The following RYR2 variants were observed in gnomAD, a reference collection of about 807,000 sequenced individuals.
The protein encoded by RYR2 is ryanodine receptor 2.
Under a neutral mutation model 601.1 loss-of-function variants are expected in RYR2, and 227 were observed. The observed-to-expected ratio is 0.38, with a 90% CI of 0.34 to 0.42. The LOEUF (loss-of-function observed/expected upper bound fraction) is 0.42, where lower values mean the gene tolerates loss of function less well. Among genes scored for constraint, RYR2 ranks in the 10% least tolerant of loss-of-function variants. The pLI, the probability that RYR2 is intolerant of heterozygous loss-of-function variation, is 1.00. For missense variants in RYR2, 4,646 were observed against 6,156.5 expected, an observed-to-expected ratio of 0.75 and a Z score of 8.21; for synonymous variants, 2,223 against 2,175.1, an observed-to-expected ratio of 1.02 and a Z score of -0.61.
In RYR2 at chr1:237,623,359, G is replaced by GTTTCTTTCTTTCTTTCTTTGTTTCTTTC. The variant is rs1553528129; in HGVS notation, c.5917-387_5917-386insGTTTCTTTCTTTCTTTCTTTCTTTCTTT. Reference sequence around the variant, plus strand: ...TTTTGTGGTAGTTGTGCCTTTCTTTGTTTCTTTCTTTCTTTCTTTCTTTCT... The same window carrying GTTTCTTTCTTTCTTTCTTTGTTTCTTTC: ...TTTTGTGGTAGTTGTGCCTTTCTTTGTTTCTTTCTTTCTTTCTTTGTTTCTTTCTTTCTTTCTTTCTTTCTTTCTTTCT... On this transcript the variant is annotated intron_variant, in intron 38 of 104. Coordinates refer to ENST00000366574, the MANE Select transcript of RYR2 (RefSeq NM_001035.3). Among the ~76,000 whole-genome samples the GTTTCTTTCTTTCTTTCTTTGTTTCTTTC allele has an allele frequency of 2.2e-3, 107 of 48,916 alleles. 1 individual carries two copies. Among genetic ancestry groups the GTTTCTTTCTTTCTTTCTTTGTTTCTTTC allele is most frequent in the African/African-American group, 3.8e-3 (66 of 17,532 alleles). The allele number at this position is 48,916 out of a possible 152,430, so 32.1% of individuals were successfully genotyped here.
intron 12 of RYR2, among the ~76,000 whole-genome samples, chr1:237,424,796 C>T (rs1015368742): frequency 1.3e-5 from 2 of 152,076 alleles, no homozygotes; most frequent in South Asian, 2.1e-4. Context: ...TGTCCTGTCA[C>T]AGCATAGGAT....
intron 15 of RYR2, among the ~76,000 whole-genome samples, chr1:237,455,190 A>G (rs758145519): frequency 1.3e-5 from 2 of 152,192 alleles, no homozygotes; most frequent in Non-Finnish European, 2.9e-5. Flanking sequence ...GGACCAAATG[A>G]TATATCTCAT....
At chr1:237,046,796 C>T (rs1030919242) in intron 1 of RYR2, among the ~76,000 whole-genome samples, 2 of 152,180 alleles carry the variant, frequency 1.3e-5, no homozygotes, top group Non-Finnish European at 2.9e-5. Context: ...ATGAAGCACA[C>T]ATTTTTCCTG....
rs76567474 is a variant in RYR2 at position 237,762,660 on chromosome 1, A to G, written c.11476+1632A>G. 5.0e-3 allele frequency among the ~76,000 whole-genome samples: 768 copies of G among 152,324 alleles called. 21 individuals carry two copies. The East Asian group carries it at 0.093, about 19-fold the overall frequency. ...ATTTTCGAGTCCCAAGTCAGAAAGA[A>G]CTTTGTGAGAGTGACCATTCTGATG... On this transcript the variant is annotated intron_variant, in intron 84 of 104. Transcript: ENST00000366574.
intron 10 of RYR2, among the ~76,000 whole-genome samples, chr1:237,414,234 C>G (rs1041344660): frequency 1.3e-4 from 20 of 151,740 alleles, no homozygotes; most frequent in African/African-American, 4.6e-4. Flanking sequence ...GTCATTCAGT[C>G]TTACTTAATC....
At chr1:237,198,593 T>C (rs1330262995) in intron 1 of RYR2, among the ~76,000 whole-genome samples, 1 of 152,078 alleles carries the variant, frequency 6.6e-6, no homozygotes, top group Non-Finnish European at 1.5e-5. Flanking sequence ...TTGAAAAATG[T>C]GAAGAAATAG....
intron 1 of RYR2, among the ~76,000 whole-genome samples, chr1:237,046,319 G>A (rs948202795): frequency 6.6e-6 from 1 of 152,146 alleles, no homozygotes; most frequent in Non-Finnish European, 1.5e-5. Flanking sequence ...GGCTAATAGT[G>A]TTCTTTCCAG....
chr1:237,303,292 CTTTTTT>C (rs386370109), intron 2 of RYR2, among the ~76,000 whole-genome samples: 23 of 85,248 alleles, frequency 2.7e-4, no homozygotes, highest in East Asian at 2.0e-3. Flanking sequence ...CTGCGGTTAT[CTTTTTT>C]TTTTTTTTTT....
At chr1:237,785,321 C>A (rs899741993) in intron 90 of RYR2, among the ~76,000 whole-genome samples, 1 of 152,124 alleles carries the variant, frequency 6.6e-6, no homozygotes, top group African/African-American at 2.4e-5. Context: ...TTGAAATTTT[C>A]TCCTCTGTTC....
intron 1 of RYR2, among the ~76,000 whole-genome samples, chr1:237,070,314 A>G (rs1299893195): frequency 6.6e-6 from 1 of 152,078 alleles, no homozygotes; most frequent in Non-Finnish European, 1.5e-5. Context: ...CTACAGGTGC[A>G]TGTCCCTGGG....
intron 22 of RYR2, among the ~76,000 whole-genome samples, chr1:237,504,700 G>A (rs1030892511): frequency 1.3e-5 from 2 of 152,178 alleles, no homozygotes; most frequent in Admixed American, 1.3e-4. Context: ...AATATCTGGG[G>A]TAATGTACTG....
chr1:237,731,981 T>A lies in RYR2; in HGVS notation c.10936-65T>A, dbSNP rs865986890. On this transcript the variant is annotated intron_variant, in intron 77 of 104. Transcript: ENST00000366574. ...TATTCTTCATTGCTGTCCTTCACAG[T>A]GCTTTTGGATTTGAGTGAACATTTT... 2.6e-5 allele frequency: 26 copies of A among 986,526 alleles called. No individual in the cohort carries two copies. The Middle Eastern group carries it at 1.7e-3, about 64-fold the overall frequency. 61.1% of individuals were successfully genotyped at this position (986,526 alleles called of 1,614,324 possible).
chr1:237,078,093 C>A (rs1272320575), intron 1 of RYR2, among the ~76,000 whole-genome samples: 1 of 34,134 alleles, frequency 2.9e-5, no homozygotes, highest in African/African-American at 9.3e-5. Flanking sequence ...ACAAAGACAC[C>A]ACATACCAGA....
intron 1 of RYR2, among the ~76,000 whole-genome samples, chr1:237,200,135 T>A (rs916981984): frequency 6.6e-6 from 1 of 152,224 alleles, no homozygotes; most frequent in Admixed American, 6.5e-5. Flanking sequence ...ATACCCAATA[T>A]GTGGAGGAGC....
intron 100 of RYR2, among the ~76,000 whole-genome samples, chr1:237,813,292 C>T (rs1661445524): frequency 6.6e-6 from 1 of 152,226 alleles, no homozygotes; most frequent in Admixed American, 6.5e-5. Context: ...ATCTCAATAT[C>T]TACCAGCCTC....
At chr1:237,591,988 T>C in intron 32 of RYR2, 135 bp downstream of exon 32, 1 of 712,444 alleles carries the variant, frequency 1.4e-6, no homozygotes, top group Admixed American at 3.1e-5. Context: ...GGATATATTT[T>C]GGGGACTGAA....
rs533048400 is a variant in RYR2, at chr1:237,157,589, A to G, written c.49-112908A>G. 1.0e-3 allele frequency among the ~76,000 whole-genome samples: 154 copies of G among 152,330 alleles called. 2 individuals are homozygous for G. Among genetic ancestry groups the G allele is most frequent in the South Asian group, 3.1e-3 (15 of 4,830 alleles). On this transcript the variant is annotated intron_variant, in intron 1 of 104. Coordinates refer to ENST00000366574, the MANE Select transcript of RYR2 (RefSeq NM_001035.3). ...ATGAAATGCTTTCATTTGCAGAAAC[A>G]TGGGTGAAACTGGAGGTCATTATGT... is the stretch of plus-strand genomic sequence containing the variant.
intron 22 of RYR2, among the ~76,000 whole-genome samples, 178 bp from the exon 23 acceptor site, chr1:237,506,532 C>T (rs1454578302): frequency 4.1e-5 from 6 of 146,654 alleles, no homozygotes; most frequent in East Asian, 3.9e-4. Flanking sequence ...AGTGAGACTC[C>T]GTCTCAAGGG....
intron 12 of RYR2, among the ~76,000 whole-genome samples, chr1:237,431,553 A>G (rs1572293185): frequency 1.3e-5 from 2 of 152,332 alleles, no homozygotes; most frequent in East Asian, 3.9e-4. Flanking sequence ...ACATAGATTT[A>G]TCATAATTCA....
Sources: allele counts gnomAD v4.1 joint callset (sites outside exome capture counted in the v4.1 genomes callset), GRCh38; gene constraint gnomAD v4.1.1; transcripts MANE v1.5; gene names NCBI Gene and HGNC (gene_info 2026-07-23, HGNC 2026-07-21).